CNTNAP2: variants seen among roughly 807,000 people sequenced by gnomAD.
The protein encoded by CNTNAP2 is contactin-associated protein-like 2.
Under a neutral mutation model 155.2 loss-of-function variants are expected in CNTNAP2, and 98 were observed. The observed-to-expected ratio is 0.63, with a 90% CI of 0.54 to 0.75. CNTNAP2 has a LOEUF of 0.75. CNTNAP2 is among the 30% of genes least tolerant of loss of function. The pLI, the probability that CNTNAP2 is intolerant of heterozygous loss-of-function variation, is 0.00. For synonymous variants in CNTNAP2, 651 were observed against 631.2 expected (o/e 1.03, Z -0.47); for missense variants, 1,727 against 1,688.1 (o/e 1.02, Z -0.40).
At chr7:146,644,600 A>G (rs902982296) in intron 1 of CNTNAP2, among the ~76,000 whole-genome samples, 1 of 152,182 alleles carries the variant, frequency 6.6e-6, no homozygotes, top group African/African-American at 2.4e-5. Context: ...CATCAAGGAT[A>G]TTGGTCTAAA....
chr7:146,501,191 G>A (rs912374024), intron 1 of CNTNAP2, among the ~76,000 whole-genome samples: 3 of 152,016 alleles, frequency 2.0e-5, no homozygotes, highest in Admixed American at 6.6e-5. Flanking sequence ...TTTCTGTGAT[G>A]CCTTCACATA....
At chr7:148,283,270 A>AG (rs1448252284) in intron 21 of CNTNAP2, among the ~76,000 whole-genome samples, 1 of 96,768 alleles carries the variant, frequency 1.0e-5, no homozygotes, top group African/African-American at 4.8e-5. Flanking sequence ...AAAGAAAGAA[A>AG]GAAAGAAAGA....
chr7:148,207,200 C>T (rs1401950808), intron 18 of CNTNAP2, among the ~76,000 whole-genome samples: 2 of 152,232 alleles, frequency 1.3e-5, no homozygotes, highest in African/African-American at 4.8e-5. Flanking sequence ...AGCTATGGGA[C>T]ACTTGAGGAT....
chr7:147,980,738 C>T (rs999059524), intron 15 of CNTNAP2, among the ~76,000 whole-genome samples: 56 of 149,640 alleles, frequency 3.7e-4, no homozygotes, highest in African/African-American at 9.4e-4. Flanking sequence ...TCCTGGCTAA[C>T]GCGGTGAAAC....
intron 1 of CNTNAP2, among the ~76,000 whole-genome samples, chr7:146,762,975 G>GA (rs1802129650): frequency 6.6e-6 from 1 of 151,964 alleles, no homozygotes; most frequent in Non-Finnish European, 1.5e-5. Flanking sequence ...TTTGGGTGGG[G>GA]ACACTGCTAA....
intron 11 of CNTNAP2, among the ~76,000 whole-genome samples, chr7:147,545,391 G>GA (rs1305497375): frequency 6.6e-6 from 1 of 151,820 alleles, no homozygotes; most frequent in African/African-American, 2.4e-5. Context: ...TACCATTTTA[G>GA]AAAAAAAATG....
chr7:146,483,967 A>C (rs933112607), intron 1 of CNTNAP2, among the ~76,000 whole-genome samples: 1 of 152,178 alleles, frequency 6.6e-6, no homozygotes, highest in Admixed American at 6.5e-5. Context: ...CCCACCACCC[A>C]CTCACTGACT....
At chr7:146,441,330 AG>A (rs1489979332) in intron 1 of CNTNAP2, among the ~76,000 whole-genome samples, 1 of 151,520 alleles carries the variant, frequency 6.6e-6, no homozygotes, top group East Asian at 1.9e-4. Context: ...TAAGTTTCAG[AG>A]GACTTTCATA....
intron 12 of CNTNAP2, among the ~76,000 whole-genome samples, chr7:147,563,847 A>G (rs1368554317): frequency 6.6e-6 from 1 of 152,104 alleles, no homozygotes; most frequent in African/African-American, 2.4e-5. Context: ...GTAAAACTAG[A>G]ACTGAAAACC....
chr7:146,622,184 C>CACACGTAT (rs1563160403), intron 1 of CNTNAP2, among the ~76,000 whole-genome samples: 2 of 142,364 alleles, frequency 1.4e-5, no homozygotes, highest in African/African-American at 5.5e-5. Flanking sequence ...TATATATACA[C>CACACGTAT]ATATATACAT....
intron 1 of CNTNAP2, among the ~76,000 whole-genome samples, chr7:146,143,590 C>T (rs2116761135): frequency 6.6e-6 from 1 of 152,130 alleles, no homozygotes; most frequent in African/African-American, 2.4e-5. Context: ...TAGCTTTTCC[C>T]TCCTGTGGTA....
chr7:148,013,458 A>T (rs534451853), intron 15 of CNTNAP2, among the ~76,000 whole-genome samples: 1 of 152,360 alleles, frequency 6.6e-6, no homozygotes, highest in Admixed American at 6.5e-5. Context: ...CCACAGTCCC[A>T]GGCATCACCT....
intron 1 of CNTNAP2, among the ~76,000 whole-genome samples, chr7:146,698,670 G>A (rs1001949023): frequency 8.6e-5 from 13 of 151,982 alleles, no homozygotes; most frequent in Non-Finnish European, 1.8e-4. Flanking sequence ...CTTTGAATTC[G>A]AAAAAGCATC....
At chr7:147,346,132 TATTTTATTTTA>T (rs1795852764) in intron 9 of CNTNAP2, among the ~76,000 whole-genome samples, 2 of 50,184 alleles carry the variant, frequency 4.0e-5, no homozygotes, top group African/African-American at 2.9e-4. Flanking sequence ...TCGAAGATTT[TATTTTATTTTA>T]TTTTATTTTA....
chr7:146,642,985 T>C (rs62481819), intron 1 of CNTNAP2, among the ~76,000 whole-genome samples: 35,017 of 137,598 alleles, frequency 0.25, 5,073 homozygotes, highest in East Asian at 0.43. Flanking sequence ...TCATGTCCTT[T>C]GCCCACTTTT....
intron 1 of CNTNAP2, among the ~76,000 whole-genome samples, chr7:146,348,918 TTTC>T (rs1271131828): frequency 3.3e-5 from 5 of 151,520 alleles, no homozygotes; most frequent in Non-Finnish European, 7.4e-5. Flanking sequence ...AGAGATAGAC[TTTC>T]TTCTTATAAG....
At chr7:147,020,477 GC>G in intron 3 of CNTNAP2, among the ~76,000 whole-genome samples, 1 of 152,188 alleles carries the variant, frequency 6.6e-6, no homozygotes, top group African/African-American at 2.4e-5. Flanking sequence ...AAACCACTGG[GC>G]CCCATATCTC....
intron 22 of CNTNAP2, among the ~76,000 whole-genome samples, chr7:148,404,371 A>G (rs1406089103): frequency 6.6e-6 from 1 of 152,244 alleles, no homozygotes; most frequent in Admixed American, 6.5e-5. Flanking sequence ...TCTGATGGAC[A>G]AAGAAAAGGA....
intron 18 of CNTNAP2, among the ~76,000 whole-genome samples, chr7:148,183,131 A>G (rs1795064274): frequency 6.6e-6 from 1 of 152,234 alleles, no homozygotes; most frequent in Non-Finnish European, 1.5e-5. Flanking sequence ...AAGGAAGGAC[A>G]GGATGAATAA....
Sources: allele counts gnomAD v4.1 joint callset (sites outside exome capture counted in the v4.1 genomes callset), GRCh38; gene constraint gnomAD v4.1.1; transcripts MANE v1.5; gene names NCBI Gene and HGNC (gene_info 2026-07-23, HGNC 2026-07-21).